THSD4: variants seen among roughly 807,000 people sequenced by gnomAD.
THSD4 encodes thrombospondin type 1 domain containing 4.
A neutral mutation model predicts 119.0 loss-of-function variants in THSD4; 69 were observed. That is an observed-to-expected ratio of 0.58 (90% confidence interval 0.48 to 0.71). The LOEUF is 0.71. Ranked by LOEUF, THSD4 falls within the 30% of genes least tolerant of loss-of-function variation. The pLI, the probability that THSD4 is intolerant of heterozygous loss-of-function variation, is 0.00. For synonymous variants in THSD4, 524 were observed against 540.4 expected, an observed-to-expected ratio of 0.97 and a Z score of 0.42; for missense variants, 1,393 against 1,391.1, an observed-to-expected ratio of 1.00 and a Z score of -0.02.
chr15:71,588,624 G>C (rs2049737281), intron 7 of THSD4, among the ~76,000 whole-genome samples: 1 of 151,894 alleles, frequency 6.6e-6, no homozygotes, highest in African/African-American at 2.4e-5. Flanking sequence ...TAGTAGACAT[G>C]GGTTTCACCA....
At chr15:71,297,916 T>C (rs1259776479) in intron 6 of THSD4, among the ~76,000 whole-genome samples, 1 of 152,242 alleles carries the variant, frequency 6.6e-6, no homozygotes, top group Non-Finnish European at 1.5e-5. Context: ...TTTCACTTTC[T>C]TGATAGTCCT....
At chr15:71,697,548 C>T (rs1366280965) in intron 8 of THSD4, among the ~76,000 whole-genome samples, 1 of 152,132 alleles carries the variant, frequency 6.6e-6, no homozygotes, top group Non-Finnish European at 1.5e-5. Context: ...AGGGGCTCTG[C>T]TGTAAAGAAA....
intron 14 of THSD4, among the ~76,000 whole-genome samples, chr15:71,755,706 C>CAAAAAAAAAAAAAAAAAA: frequency 2.0e-5 from 1 of 50,280 alleles, no homozygotes; most frequent in Non-Finnish European, 3.9e-5. Context: ...TCAGCAAAGA[C>CAAAAAAAAAAAAAAAAAA]AAAAAAAAAA....
chr15:71,216,663 A>G lies in THSD4; in HGVS notation c.464+1264A>G, dbSNP rs958170331. 4.6e-5 allele frequency among the ~76,000 whole-genome samples: 7 copies of G among 152,302 alleles called. No individual in the cohort carries two copies. The East Asian group carries it at 7.7e-4, about 17-fold the overall frequency. Reference sequence around the variant, plus strand: ...AGGGGGAAGGAGAGAGGCAGCCCCAAAGGAATGCTTCCTTCTCTCTCTCTT... The same window carrying G: ...AGGGGGAAGGAGAGAGGCAGCCCCAGAGGAATGCTTCCTTCTCTCTCTCTT... On this transcript the variant is annotated intron_variant, in intron 4 of 17. Transcript: ENST00000261862.
chr15:71,521,497 G>C (rs1489464319), intron 7 of THSD4, among the ~76,000 whole-genome samples: 1 of 152,024 alleles, frequency 6.6e-6, no homozygotes, highest in Non-Finnish European at 1.5e-5. Flanking sequence ...AGTTTTCTTA[G>C]GCTCCGTGAT....
intron 7 of THSD4, among the ~76,000 whole-genome samples, chr15:71,588,198 C>T (rs1030743996): frequency 4.0e-5 from 6 of 149,876 alleles, no homozygotes; most frequent in South Asian, 4.2e-4. Flanking sequence ...CCCAGCTACT[C>T]GGGAGGCTGA....
rs59370074 is a variant in THSD4 at position 71,602,553 on chromosome 15, CA to C, written c.1153-57950del. ...GGACAATAAGAGTGAAACTCTGTCTCAAAAAAAAAAAAAAAAAAAAAAAAAA... is the reference window on the plus strand; with the variant it reads ...GGACAATAAGAGTGAAACTCTGTCTCAAAAAAAAAAAAAAAAAAAAAAAAA... On this transcript the variant is annotated intron_variant, in intron 7 of 17. Coordinates refer to ENST00000261862, the MANE Select transcript of THSD4 (RefSeq NM_024817.3). Among the ~76,000 whole-genome samples the C allele has an allele frequency of 6.2e-3, 336 of 53,866 alleles. 1 individual carries two copies. Among genetic ancestry groups the C allele is most frequent in the African/African-American group, 0.02 (301 of 15,326 alleles). 35.3% of individuals were successfully genotyped at this position (53,866 alleles called of 152,430 possible). A position where few individuals can be genotyped will look rare whatever the true frequency, so the allele number is the denominator to read the frequency against.
At chr15:71,670,837 T>A (rs1219666179) in intron 8 of THSD4, among the ~76,000 whole-genome samples, 2 of 151,886 alleles carry the variant, frequency 1.3e-5, no homozygotes, top group Admixed American at 6.6e-5. Context: ...ATCCTTTTTT[T>A]ATGGCTGCAT....
chr15:71,474,007 C>T (rs2047622394), intron 7 of THSD4, among the ~76,000 whole-genome samples: 1 of 152,164 alleles, frequency 6.6e-6, no homozygotes, highest in Non-Finnish European at 1.5e-5. Context: ...ATACTGACTC[C>T]TCATGTGGAT....
At chr15:71,468,043 T>A (rs2047524571) in intron 7 of THSD4, among the ~76,000 whole-genome samples, 1 of 152,008 alleles carries the variant, frequency 6.6e-6, no homozygotes, top group South Asian at 2.1e-4. Context: ...GAAACGAGGT[T>A]TCATCATGTT....
chr15:71,409,154 TTCC>T (rs75290591), intron 6 of THSD4, among the ~76,000 whole-genome samples: 20 of 83,850 alleles, frequency 2.4e-4, no homozygotes, highest in South Asian at 1.9e-3. Context: ...GCTTTTTTTT[TTCC>T]CCCCCCCTCA....
At position 71,748,579 on chromosome 15, in the gene THSD4, C is replaced by G. The variant is rs539524982; in HGVS notation, c.2400C>G (p.Thr800=). ...MGPCAKSWFL[T]EWSERCSAEC... The stretch of plus-strand genomic sequence containing the variant: ...CCTGTGCCAAGAGCTGGTTCCTCAC[C>G]GAGTGGAGCGAAAGGGTGAGTGTGA... Residue 800 remains threonine, a synonymous_variant, in exon 14 of 18, where the codon ACC becomes ACG. Transcript: ENST00000261862. The G allele has an allele frequency of 1.2e-6, 2 of 1,614,032 alleles. No homozygotes were observed. Among genetic ancestry groups the G allele is most frequent in the Admixed American group, 3.3e-5 (2 of 60,020 alleles).
chr15:71,121,924 T>A (rs2040412038), intron 1 of THSD4, among the ~76,000 whole-genome samples: 1 of 152,072 alleles, frequency 6.6e-6, no homozygotes, highest in Non-Finnish European at 1.5e-5. Flanking sequence ...GACAGGAGGA[T>A]CAAATCCAAC....
At position 71,362,322 on chromosome 15, in the gene THSD4, G is replaced by T. The variant is rs558841884; in HGVS notation, c.1016-49365G>T. ...TGGCTGGGGTACAGAAGTAGGAGGA[G>T]AATCTCACTCTTTACTCCTTTGTAC... On this transcript the variant is annotated intron_variant, in intron 6 of 17. Coordinates refer to ENST00000261862, the MANE Select transcript of THSD4 (RefSeq NM_024817.3). 1.6e-3 allele frequency among the ~76,000 whole-genome samples: 246 copies of T among 152,236 alleles called. 2 individuals are homozygous for T. The highest frequency in any genetic ancestry group is 6.8e-3 in the Middle Eastern group (2 of 294).
intron 7 of THSD4, among the ~76,000 whole-genome samples, chr15:71,645,692 A>T (rs536045417): frequency 2.0e-5 from 3 of 152,292 alleles, no homozygotes; most frequent in Admixed American, 2.0e-4. Flanking sequence ...TTGGGGAAAA[A>T]AGCTTTTATC....
chr15:71,184,667 C>G (rs1198482658), intron 3 of THSD4, among the ~76,000 whole-genome samples: 1 of 151,754 alleles, frequency 6.6e-6, no homozygotes, highest in Non-Finnish European at 1.5e-5. Context: ...CCCAGTGATG[C>G]ATATCCTCCC....
intron 9 of THSD4, 123 bp downstream of exon 9, chr15:71,728,847 C>T (rs749329329): frequency 3.0e-4 from 389 of 1,306,232 alleles, no homozygotes; most frequent in Non-Finnish European, 4.1e-4. Context: ...TTGAGCAGAG[C>T]CTGTTGGAGG....
intron 7 of THSD4, among the ~76,000 whole-genome samples, chr15:71,486,611 G>GTTTTTTTTT (rs200120589): frequency 2.4e-4 from 31 of 131,742 alleles, no homozygotes; most frequent in African/African-American, 4.4e-4. Context: ...TTTCTTTTCT[G>GTTTTTTTTT]TTTTTTTTTT....
Position 71,417,849 on chromosome 15 carries a change from T to C in THSD4, c.1152+6026T>C, listed in dbSNP as rs573470664. Among the ~76,000 whole-genome samples, 2 of 108,932 alleles carry C rather than the reference T, an allele frequency of 1.8e-5. 1 individual carries two copies. The highest frequency in any genetic ancestry group is 5.7e-4 in the South Asian group (2 of 3,524). The allele number at this position is 108,932 out of a possible 152,430, so 71.5% of individuals were successfully genotyped here. ...TGGTTTTATGGACATTTTAGCAATA[T>C]TAATTCTTCCAATCCAGGAACACAG... On this transcript the variant is annotated intron_variant, in intron 7 of 17. Coordinates refer to ENST00000261862, the MANE Select transcript of THSD4 (RefSeq NM_024817.3).
Sources: gnomAD v4.1 joint callset for allele counts (sites outside exome capture counted in the v4.1 genomes callset) on GRCh38, gnomAD v4.1.1 for gene constraint, MANE v1.5 for transcripts, NCBI Gene and HGNC (gene_info 2026-07-23, HGNC 2026-07-21) for gene names.